The following CLCN4 variants were observed in gnomAD, a reference collection of about 807,000 sequenced individuals.
The protein encoded by CLCN4 is H(+)/Cl(-) exchange transporter 4.
Under a neutral mutation model 41.7 loss-of-function variants are expected in CLCN4, and 1 was observed. The ratio of observed to expected loss-of-function variants is 0.02; its 90% CI spans 0.01 to 0.11. CLCN4 has a LOEUF of 0.11. Among genes scored for constraint, CLCN4 ranks in the 10% least tolerant of loss-of-function variants. CLCN4 has a pLI of 1.00. For missense variants in CLCN4, 287 were observed against 661.0 expected (o/e 0.43, Z 6.20); for synonymous variants, 277 against 285.8 (o/e 0.97, Z 0.31).
At chrX:10,162,062 G>T (rs1923123968) in intron 2 of CLCN4, among the ~76,000 whole-genome samples, 1 of 98,498 alleles carries the variant, frequency 1.0e-5, no homozygotes, top group Non-Finnish European at 2.0e-5. Context: ...CTGTCACCCA[G>T]GCTGCAGTGC....
chrX:10,173,485 G>A (rs1231600062), intron 2 of CLCN4, among the ~76,000 whole-genome samples: 1 of 110,999 alleles, frequency 9.0e-6, no homozygotes, highest in African/African-American at 3.3e-5. Flanking sequence ...GCTGGGAACC[G>A]TGGGGTTCCC....
At chrX:10,182,971 A>G (rs1923721475) in intron 2 of CLCN4, among the ~76,000 whole-genome samples, 1 of 112,367 alleles carries the variant, frequency 8.9e-6, no homozygotes, top group Admixed American at 9.4e-5. Flanking sequence ...CTCCTTTTGA[A>G]TAGACTGTCC....
intron 5 of CLCN4, among the ~76,000 whole-genome samples, chrX:10,197,478 A>G (rs1167656825): frequency 1.8e-5 from 2 of 111,226 alleles, no homozygotes; most frequent in African/African-American, 6.5e-5. Flanking sequence ...TCTAAAATAC[A>G]GGCCCGACCC....
rs539596686 is a variant in CLCN4, at chrX:10,236,027, C to T, written c.*2443C>T. ...CTTCATGTAGTTCCCCTCTTATTCC[C>T]CTGTGGTCTCCTCAGAGCCAGCGTG... On this transcript the variant is annotated 3_prime_UTR_variant, in exon 13 of 13. Transcript: ENST00000380833. The T allele has an allele frequency of 8.9e-6, 1 of 112,423 alleles. No homozygotes were observed. 9.3% of individuals were successfully genotyped at this position (112,423 alleles called of 1,213,427 possible). A position where few individuals can be genotyped will look rare whatever the true frequency, so the allele number is the denominator to read the frequency against.
At chrX:10,173,396 C>A (rs1923431653) in intron 2 of CLCN4, among the ~76,000 whole-genome samples, 1 of 111,066 alleles carries the variant, frequency 9.0e-6, no homozygotes, top group Non-Finnish European at 1.9e-5. Flanking sequence ...GCCTCAGGGA[C>A]CCCGGTTTAA....
At chrX:10,213,385 G>A (rs1924618732) in intron 10 of CLCN4, among the ~76,000 whole-genome samples, 1 of 111,901 alleles carries the variant, frequency 8.9e-6, no homozygotes, top group Non-Finnish European at 1.9e-5. Flanking sequence ...AGCTTGCAGA[G>A]CCCATGTAGG....
intron 4 of CLCN4, among the ~76,000 whole-genome samples, chrX:10,192,380 C>T (rs1355468107): frequency 9.0e-6 from 1 of 111,394 alleles, no homozygotes. Flanking sequence ...CTAACCCAGG[C>T]TTAGGAAATC....
At chrX:10,220,473 CACAGCATTA>C (rs1356333221) in intron 11 of CLCN4, among the ~76,000 whole-genome samples, 179 bp from the exon 12 acceptor site, 1 of 112,078 alleles carries the variant, frequency 8.9e-6, no homozygotes, top group Non-Finnish European at 1.9e-5. Context: ...GGGACCCTCA[CACAGCATTA>C]GCTGCAGAGA....
At chrX:10,226,704 A>G (rs1328828037) in intron 12 of CLCN4, among the ~76,000 whole-genome samples, 1 of 111,927 alleles carries the variant, frequency 8.9e-6, no homozygotes, top group Non-Finnish European at 1.9e-5. Flanking sequence ...ACAACAAAAA[A>G]TGATACAGGG....
At chrX:10,160,094 C>T (rs1923053436) in intron 2 of CLCN4, among the ~76,000 whole-genome samples, 1 of 109,308 alleles carries the variant, frequency 9.1e-6, no homozygotes, top group South Asian at 4.0e-4. Flanking sequence ...GTAGCACTTC[C>T]CCCTCCCAGC....
chrX:10,207,272 A>AT (rs752070016), intron 8 of CLCN4, among the ~76,000 whole-genome samples: 4 of 112,757 alleles, frequency 3.5e-5, no homozygotes, highest in East Asian at 5.6e-4. Flanking sequence ...TGCCAAGGTG[A>AT]TTTTTTAAAA....
intron 2 of CLCN4, among the ~76,000 whole-genome samples, chrX:10,166,562 G>A (rs1352874696): frequency 8.9e-6 from 1 of 111,813 alleles, no homozygotes; most frequent in African/African-American, 3.3e-5. Flanking sequence ...AGGCCCCTGG[G>A]ACCTGGGCTG....
At chrX:10,159,227 G>A (rs1923033704) in intron 2 of CLCN4, among the ~76,000 whole-genome samples, 1 of 112,242 alleles carries the variant, frequency 8.9e-6, no homozygotes, top group Admixed American at 9.4e-5. Flanking sequence ...TAACATGTGA[G>A]CGTAAGAGAC....
At chrX:10,161,294 A>T (rs1923095060) in intron 2 of CLCN4, among the ~76,000 whole-genome samples, 3 of 110,636 alleles carry the variant, frequency 2.7e-5, no homozygotes, top group Admixed American at 1.9e-4. Context: ...AGCTGGCTCC[A>T]TCCACTCCCC....
At chrX:10,185,247 G>A (rs1374535582) in intron 3 of CLCN4, 71 bp downstream of exon 3, 3 of 1,089,618 alleles carry the variant, frequency 2.8e-6, no homozygotes, top group East Asian at 6.2e-5. Flanking sequence ...TACTGAGCTG[G>A]GGCTTAGGTC....
intron 2 of CLCN4, among the ~76,000 whole-genome samples, chrX:10,184,434 G>A (rs1923759877): frequency 8.9e-6 from 1 of 111,778 alleles, no homozygotes; most frequent in Non-Finnish European, 1.9e-5. Context: ...CTGAGAAGGC[G>A]ATGCTCTGCC....
intron 11 of CLCN4, among the ~76,000 whole-genome samples, chrX:10,217,845 C>T (rs1307103230): frequency 9.1e-6 from 1 of 109,890 alleles, no homozygotes; most frequent in Non-Finnish European, 1.9e-5. Flanking sequence ...CAGATTCAAG[C>T]AATTCTCCTG....
intron 12 of CLCN4, among the ~76,000 whole-genome samples, chrX:10,230,776 T>G (rs774599095): frequency 8.9e-6 from 1 of 112,256 alleles, no homozygotes; most frequent in Non-Finnish European, 1.9e-5. Flanking sequence ...CTCCCCTCAG[T>G]TTCCCCTATT....
At chrX:10,217,599 A>C (rs1404620534) in intron 11 of CLCN4, among the ~76,000 whole-genome samples, 2 of 112,099 alleles carry the variant, frequency 1.8e-5, no homozygotes, top group Non-Finnish European at 3.8e-5. Context: ...ATTTTGAAAA[A>C]TTTCTTGGCC....
Sources: allele counts gnomAD v4.1 joint callset (sites outside exome capture counted in the v4.1 genomes callset), GRCh38; gene constraint gnomAD v4.1.1; transcripts MANE v1.5; gene names NCBI Gene and HGNC (gene_info 2026-07-23, HGNC 2026-07-21).